The following AGL variants were observed in gnomAD, a reference collection of about 807,000 sequenced individuals.
AGL encodes glycogen debranching enzyme.
Under a neutral mutation model 199.3 loss-of-function variants are expected in AGL, and 128 were observed. The ratio of observed to expected loss-of-function variants is 0.64; its 90% CI spans 0.56 to 0.74. AGL has a LOEUF of 0.74. Among genes scored for constraint, AGL ranks in the 30% least tolerant of loss-of-function variants. The pLI is 0.00. For missense variants in AGL, 1,809 were observed against 1,820.8 expected, an observed-to-expected ratio of 0.99 and a Z score of 0.12; for synonymous variants, 584 against 594.7, an observed-to-expected ratio of 0.98 and a Z score of 0.26.
chr1:99,874,817 A>C lies in AGL; in HGVS notation c.1082+7A>C. ...CGACTTTCATACCACATGAGTATGT[A>C]ATGTGTTTTTTTCTGTGAAATAATA... On this transcript the variant is annotated splice_region_variant and intron_variant, in intron 8 of 33. Transcript: ENST00000361915. 1 of 1,613,242 alleles carries C rather than the reference A, an allele frequency of 6.2e-7. No homozygotes were observed. The highest frequency in any genetic ancestry group is 1.1e-5 in the South Asian group (1 of 91,048).
chr1:99,899,926 C>G (rs1241814240), intron 25 of AGL, among the ~76,000 whole-genome samples: 1 of 151,038 alleles, frequency 6.6e-6, no homozygotes, highest in Admixed American at 6.6e-5. Flanking sequence ...GGCCTTCTTT[C>G]TTTTCTTTCT....
chr1:99,888,658 A>G (rs1432691183), intron 21 of AGL, among the ~76,000 whole-genome samples: 2 of 152,186 alleles, frequency 1.3e-5, no homozygotes, highest in Non-Finnish European at 2.9e-5. Context: ...TAGTTGTAAG[A>G]TGAGTTAAAG....
At chr1:99,911,387 AAT>A (rs34936033) in intron 28 of AGL, among the ~76,000 whole-genome samples, 21,508 of 152,214 alleles carry the variant, frequency 0.14, 1,582 homozygotes, top group Middle Eastern at 0.17. Flanking sequence ...CCCATTAAGT[AAT>A]GTCTATTAAA....
At chr1:99,901,648 A>G (rs1653846350) in intron 26 of AGL, among the ~76,000 whole-genome samples, 1 of 151,952 alleles carries the variant, frequency 6.6e-6, no homozygotes, top group Non-Finnish European at 1.5e-5. Context: ...TGAACAGTGA[A>G]GAATGGATAG....
At chr1:99,881,772 ATG>A in intron 17 of AGL, 81 bp downstream of exon 17, 1 of 1,189,326 alleles carries the variant, frequency 8.4e-7, no homozygotes, top group Non-Finnish European at 1.2e-6. Flanking sequence ...GTTATATATC[ATG>A]TATATATCAT....
At chr1:99,892,171 T>C (rs1296807843) in intron 23 of AGL, among the ~76,000 whole-genome samples, 1 of 152,110 alleles carries the variant, frequency 6.6e-6, no homozygotes, top group Non-Finnish European at 1.5e-5. Context: ...AGCCACCAAA[T>C]TGATTAGGAC....
intron 27 of AGL, among the ~76,000 whole-genome samples, chr1:99,905,983 T>A (rs1344844912): frequency 6.6e-6 from 1 of 152,194 alleles, no homozygotes; most frequent in East Asian, 1.9e-4. Flanking sequence ...ATAGACATAA[T>A]GTATATTTAC....
intron 5 of AGL, among the ~76,000 whole-genome samples, chr1:99,867,404 C>T (rs1571237496): frequency 6.6e-6 from 1 of 152,136 alleles, no homozygotes; most frequent in Admixed American, 6.5e-5. Context: ...CACAGGTGCT[C>T]CACTCCTGGT....
intron 28 of AGL, among the ~76,000 whole-genome samples, chr1:99,911,155 A>G (rs1296301997): frequency 1.3e-5 from 2 of 152,238 alleles, no homozygotes; most frequent in Non-Finnish European, 2.9e-5. Context: ...TTATTGATGT[A>G]AACATTTCAT....
chr1:99,899,911 C>T lies in AGL; in HGVS notation c.3363-725C>T, dbSNP rs191988930. Among the ~76,000 whole-genome samples, 20 of 151,504 alleles carry T rather than the reference C, an allele frequency of 1.3e-4. 1 individual carries two copies. The highest frequency in any genetic ancestry group is 4.8e-4 in the African/African-American group (20 of 41,342). On this transcript the variant is annotated intron_variant, in intron 25 of 33. Coordinates refer to ENST00000361915, the MANE Select transcript of AGL (RefSeq NM_000642.3). Reference sequence around the variant, plus strand: ...CTAGGATTACAGGCCTGAGCCACCACGCCCGGCCTTCTTTCTTTTCTTTCT... The same window carrying T: ...CTAGGATTACAGGCCTGAGCCACCATGCCCGGCCTTCTTTCTTTTCTTTCT...
chr1:99,915,540 G>A (rs1655052222), intron 31 of AGL, 54 bp downstream of exon 31: 1 of 1,367,146 alleles, frequency 7.3e-7, no homozygotes, highest in Non-Finnish European at 1.0e-6. Flanking sequence ...CAAATACATT[G>A]ACATCAACCA....
chr1:99,857,444 G>A (rs1471483376), intron 2 of AGL, among the ~76,000 whole-genome samples: 1 of 152,134 alleles, frequency 6.6e-6, no homozygotes, highest in East Asian at 1.9e-4. Flanking sequence ...TCGGCACTTT[G>A]GGAGGCCAAG....
At chr1:99,885,580 C>T (rs888423811) in intron 20 of AGL, among the ~76,000 whole-genome samples, 1 of 152,088 alleles carries the variant, frequency 6.6e-6, no homozygotes, top group Non-Finnish European at 1.5e-5. Context: ...CCCCATCACT[C>T]GCATTACCAC....
chr1:99,861,652 G>A lies in AGL; in HGVS notation c.232G>A (p.Asp78Asn). 1 of 1,613,456 alleles carries A rather than the reference G, an allele frequency of 6.2e-7. No homozygotes were observed. The highest frequency in any genetic ancestry group is 8.5e-7 in the Non-Finnish European group (1 of 1,179,524). Residue 78 changes from aspartate to asparagine, a missense_variant, in exon 3 of 34, where the codon GAT becomes AAT. Asp to Asn is a conservative substitution (Grantham distance 23). Transcript: ENST00000361915. ...TCCAACAGAAAGAGAAGATGATTCT[G>A]ATAAATACTGTAAACTTAATCTGCA... Reference protein sequence around the residue: ...ENPTEREDDSDKYCKLNLQQS... With the variant: ...ENPTEREDDSNKYCKLNLQQS...
At chr1:99,856,436 GTATT>G (rs1320015830) in intron 2 of AGL, among the ~76,000 whole-genome samples, 1,453 of 139,480 alleles carry the variant, frequency 0.01, 20 homozygotes, top group Non-Finnish European at 0.014. Flanking sequence ...TTCTTTTCTT[GTATT>G]TATTTATTTA....
chr1:99,892,366 C>CA, intron 23 of AGL, 66 bp from the exon 24 acceptor site: 1 of 1,413,772 alleles, frequency 7.1e-7, no homozygotes, highest in Non-Finnish European at 1.0e-6. Flanking sequence ...GGAAAGAAAC[C>CA]AAGTAAAATA....
chr1:99,861,364 A>G (rs537816394), intron 2 of AGL, 139 bp from the exon 3 acceptor site: 15 of 1,528,548 alleles, frequency 9.8e-6, no homozygotes, highest in Non-Finnish European at 1.3e-5. Flanking sequence ...AGTAGTGCCA[A>G]AACAGCATTA....
intron 14 of AGL, 126 bp downstream of exon 14, chr1:99,880,921 A>G: frequency 7.7e-7 from 1 of 1,300,960 alleles, no homozygotes; most frequent in Non-Finnish European, 1.1e-6. Context: ...CTGATTTATA[A>G]TACATAGTTT....
rs749678945 is a variant in AGL at position 99,875,253 on chromosome 1, A to G, written c.1182A>G (p.Glu394=). The change falls in exon 9 of 34, where the codon GAA becomes GAG. Residue 394 remains glutamate (E), a synonymous_variant. Transcript: ENST00000361915. ...ATCGACTCATTAACTATCATCAGGAACAGGTTTTACTTATTTTTGAACTGC... is the reference window on the plus strand; with the variant it reads ...ATCGACTCATTAACTATCATCAGGAGCAGGTTTTACTTATTTTTGAACTGC... ...EKHRLINYHQ[E]QAVNCLLGNV... 4 of 1,613,808 alleles carry G rather than the reference A, an allele frequency of 2.5e-6. No individual in the cohort carries two copies. In the Admixed American group the frequency reaches 5.0e-5, roughly 20 times the overall value.
Sources: gnomAD v4.1 joint callset for allele counts (sites outside exome capture counted in the v4.1 genomes callset) on GRCh38, gnomAD v4.1.1 for gene constraint, MANE v1.5 for transcripts, NCBI Gene and HGNC (gene_info 2026-07-23, HGNC 2026-07-21) for gene names.